Variants in FRMD4A observed in about 807,000 individuals in gnomAD.
The protein encoded by FRMD4A is FERM domain-containing protein 4A.
Under a neutral mutation model 129.1 loss-of-function variants are expected in FRMD4A, and 29 were observed. That is an observed-to-expected ratio of 0.22 (90% confidence interval 0.17 to 0.31). The LOEUF (loss-of-function observed/expected upper bound fraction) is 0.31. FRMD4A is among the 10% of genes least tolerant of loss of function. FRMD4A has a pLI of 1.00. For missense variants in FRMD4A, 1,272 were observed against 1,375.8 expected, an observed-to-expected ratio of 0.92 and a Z score of 1.19; for synonymous variants, 634 against 571.6, an observed-to-expected ratio of 1.11 and a Z score of -1.56.
intron 2 of FRMD4A, among the ~76,000 whole-genome samples, chr10:14,327,815 C>A (rs182383147): frequency 6.6e-6 from 1 of 152,176 alleles, no homozygotes; most frequent in Admixed American, 6.5e-5. Context: ...TTATGCCAGG[C>A]TACTTTCCTC....
At chr10:14,039,381 TCCATCCATCCATCCATCCATCCATCC>T (rs1588846460) in intron 2 of FRMD4A, among the ~76,000 whole-genome samples, 6 of 140,186 alleles carry the variant, frequency 4.3e-5, no homozygotes, top group Admixed American at 1.4e-4. Context: ...CATCCATCCA[TCCATCCATCCATCCATCCATCCATCC>T]ATCTATCTAT....
At chr10:14,000,214 CT>C (rs2095636723) in intron 2 of FRMD4A, among the ~76,000 whole-genome samples, 1 of 152,082 alleles carries the variant, frequency 6.6e-6, no homozygotes. Context: ...TCCTCTGAGG[CT>C]CATTGATGAG....
intron 2 of FRMD4A, among the ~76,000 whole-genome samples, chr10:14,297,314 TG>T (rs1164487728): frequency 6.6e-6 from 1 of 152,114 alleles, no homozygotes; most frequent in Non-Finnish European, 1.5e-5. Flanking sequence ...TCACATGCTT[TG>T]CTAAACTTCC....
intron 12 of FRMD4A, among the ~76,000 whole-genome samples, chr10:13,713,966 A>G (rs2088385568): frequency 9.6e-6 from 1 of 104,068 alleles, no homozygotes. Flanking sequence ...CATATATAAT[A>G]TATACATATA....
chr10:14,325,981 A>C (rs1280249635), intron 2 of FRMD4A, among the ~76,000 whole-genome samples: 1 of 152,212 alleles, frequency 6.6e-6, no homozygotes, highest in Non-Finnish European at 1.5e-5. Context: ...ATTGTGGTTA[A>C]TCACCCACTA....
At chr10:14,263,109 T>C (rs1844860474) in intron 2 of FRMD4A, among the ~76,000 whole-genome samples, 1 of 152,186 alleles carries the variant, frequency 6.6e-6, no homozygotes, top group Admixed American at 6.5e-5. Context: ...GTGTGCGATA[T>C]TCCAATGACA....
chr10:14,307,553 G>C (rs1415567668), intron 2 of FRMD4A, among the ~76,000 whole-genome samples: 1 of 152,158 alleles, frequency 6.6e-6, no homozygotes. Flanking sequence ...CCTTTGATTG[G>C]AGCATCTCTC....
At chr10:13,843,404 G>A (rs563477554) in intron 3 of FRMD4A, among the ~76,000 whole-genome samples, 1 of 152,192 alleles carries the variant, frequency 6.6e-6, no homozygotes, top group Non-Finnish European at 1.5e-5. Flanking sequence ...ACCAGCTGTG[G>A]TCTGGGGTGG....
chr10:14,161,761 G>T (rs914704385), intron 2 of FRMD4A, among the ~76,000 whole-genome samples: 1 of 152,120 alleles, frequency 6.6e-6, no homozygotes, highest in African/African-American at 2.4e-5. Flanking sequence ...GCACAGTAGG[G>T]TGATGATAGC....
chr10:14,266,378 T>C (rs768534617), intron 2 of FRMD4A, among the ~76,000 whole-genome samples: 2 of 152,150 alleles, frequency 1.3e-5, no homozygotes, highest in Non-Finnish European at 2.9e-5. Flanking sequence ...TAGATAAAGT[T>C]TGGGGAGATG....
intron 2 of FRMD4A, among the ~76,000 whole-genome samples, chr10:14,213,972 C>T (rs569736237): frequency 1.3e-5 from 2 of 152,160 alleles, no homozygotes; most frequent in Non-Finnish European, 2.9e-5. Flanking sequence ...ATGCTGTTCT[C>T]GTGATAGTAA....
chr10:13,892,966 G>T (rs2094717613), intron 2 of FRMD4A, among the ~76,000 whole-genome samples: 1 of 152,124 alleles, frequency 6.6e-6, no homozygotes, highest in African/African-American at 2.4e-5. Context: ...AATAGAAAGG[G>T]AATTGGGCAT....
chr10:14,106,442 T>C lies in FRMD4A; in HGVS notation c.45+223616A>G, dbSNP rs369880288. Among the ~76,000 whole-genome samples the C allele has an allele frequency of 2.6e-5, 4 of 152,238 alleles. No homozygotes were observed. In the South Asian group the frequency reaches 8.3e-4, roughly 32 times the overall value. ...TGAGGAATACTAATTACTACTGGAT[T>C]GGTTGTTTCTAGGACTTTGCAGGAT... On this transcript the variant is annotated intron_variant, in intron 2 of 24. Coordinates refer to ENST00000357447, the MANE Select transcript of FRMD4A (RefSeq NM_018027.5).
intron 2 of FRMD4A, among the ~76,000 whole-genome samples, chr10:14,085,347 A>G (rs995684442): frequency 6.6e-6 from 1 of 152,160 alleles, no homozygotes; most frequent in South Asian, 2.1e-4. Flanking sequence ...ACGTGGTTGC[A>G]GGGTTTCCAC....
At chr10:13,765,457 T>C (rs1486813884) in intron 6 of FRMD4A, among the ~76,000 whole-genome samples, 2 of 152,130 alleles carry the variant, frequency 1.3e-5, no homozygotes, top group Admixed American at 6.5e-5. Context: ...AGGTCCAGAA[T>C]TGGCTCCTGC....
chr10:14,147,985 G>A (rs1840159499), intron 2 of FRMD4A, among the ~76,000 whole-genome samples: 1 of 152,134 alleles, frequency 6.6e-6, no homozygotes, highest in Non-Finnish European at 1.5e-5. Context: ...CCTACCTCAA[G>A]GTGTTCTAGG....
At chr10:14,167,881 G>A (rs1841273360) in intron 2 of FRMD4A, among the ~76,000 whole-genome samples, 1 of 152,170 alleles carries the variant, frequency 6.6e-6, no homozygotes, top group African/African-American at 2.4e-5. Flanking sequence ...GGGAGCTATA[G>A]GGCATCCCCG....
chr10:14,262,728 T>G (rs997009606), intron 2 of FRMD4A, among the ~76,000 whole-genome samples: 4 of 152,124 alleles, frequency 2.6e-5, no homozygotes, highest in Non-Finnish European at 4.4e-5. Context: ...GCTCCAGTAA[T>G]GGGGAAAAAC....
chr10:13,718,186 G>C (rs1023035874), intron 12 of FRMD4A, among the ~76,000 whole-genome samples: 5 of 152,254 alleles, frequency 3.3e-5, no homozygotes, highest in African/African-American at 1.2e-4. Flanking sequence ...GCTTGCTGCT[G>C]CAACTTCACG....
Sources: allele counts gnomAD v4.1 joint callset (sites outside exome capture counted in the v4.1 genomes callset), GRCh38; gene constraint gnomAD v4.1.1; transcripts MANE v1.5; gene names NCBI Gene and HGNC (gene_info 2026-07-23, HGNC 2026-07-21).